RPS5: variants seen among roughly 807,000 people sequenced by gnomAD.
RPS5 encodes ribosomal protein S5.
In RPS5, 2 loss-of-function variants were observed where a neutral mutation model predicts 20.9. The ratio of observed to expected loss-of-function variants is 0.10; its 90% CI spans 0.04 to 0.30. RPS5 has a LOEUF of 0.30. RPS5 is among the 10% of genes least tolerant of loss of function. The probability of loss-of-function intolerance (pLI) is 1.00; values close to 1 mark genes in which losing one functional copy is unlikely to be tolerated. For synonymous variants in RPS5, 112 were observed against 105.8 expected, an observed-to-expected ratio of 1.06 and a Z score of -0.36; for missense variants, 122 against 287.2, an observed-to-expected ratio of 0.42 and a Z score of 4.16.
chr19:58,388,783 C>T (rs2052344812), intron 2 of RPS5, among the ~76,000 whole-genome samples: 1 of 151,814 alleles, frequency 6.6e-6, no homozygotes, highest in Non-Finnish European at 1.5e-5. Flanking sequence ...CGCCACTGCA[C>T]CTGGCTGATT....
At chr19:58,388,933 T>G (rs1568573285) in intron 2 of RPS5, among the ~76,000 whole-genome samples, 1 of 152,204 alleles carries the variant, frequency 6.6e-6, no homozygotes, top group Non-Finnish European at 1.5e-5. Flanking sequence ...CCGGCCCAGA[T>G]GTATGGGTTT....
At chr19:58,388,817 G>C (rs2052345244) in intron 2 of RPS5, among the ~76,000 whole-genome samples, 3 of 151,564 alleles carry the variant, frequency 2.0e-5, no homozygotes, top group Non-Finnish European at 4.4e-5. Context: ...TTTTAGTAGA[G>C]ACAGGGTTTC....
At chr19:58,394,386 C>G in intron 4 of RPS5, 111 bp from the exon 5 acceptor site, 1 of 818,938 alleles carries the variant, frequency 1.2e-6, no homozygotes, top group Non-Finnish European at 2.0e-6. Flanking sequence ...CACCTCTTGT[C>G]TCAGTGGGCC....
intron 2 of RPS5, among the ~76,000 whole-genome samples, chr19:58,391,019 G>A (rs1419055946): frequency 2.0e-5 from 3 of 152,222 alleles, no homozygotes; most frequent in Non-Finnish European, 2.9e-5. Flanking sequence ...ATCAACAGCA[G>A]TCTCCTTCGA....
intron 2 of RPS5, among the ~76,000 whole-genome samples, chr19:58,389,191 T>C (rs181936945): frequency 6.6e-6 from 1 of 152,302 alleles, no homozygotes; most frequent in Admixed American, 6.5e-5. Flanking sequence ...TGTTTGAAAT[T>C]ATATTTTGTG....
Position 58,394,611 on chromosome 19 carries a change from C to G in RPS5, c.546+16C>G. 1 of 1,613,768 alleles carries G rather than the reference C, an allele frequency of 6.2e-7. No homozygotes were observed. Among genetic ancestry groups the G allele is most frequent in the Non-Finnish European group, 8.5e-7 (1 of 1,179,734 alleles). ...TGCTGCCAAGGTGGGTGAGGGCACT[C>G]CGGTTGGGGGGTCTTAAGTTGGGCA... is the stretch of plus-strand genomic sequence containing the variant. On this transcript the variant is annotated intron_variant, in intron 5 of 5. Transcript: ENST00000196551.
intron 2 of RPS5, among the ~76,000 whole-genome samples, chr19:58,391,467 G>A (rs2052363336): frequency 6.6e-6 from 1 of 151,016 alleles, no homozygotes; most frequent in Admixed American, 6.6e-5. Flanking sequence ...GCTGAGCATG[G>A]TGACGCATGT....
At chr19:58,393,513 C>G in intron 4 of RPS5, 26 bp downstream of exon 4, 1 of 1,594,446 alleles carries the variant, frequency 6.3e-7, no homozygotes, top group Non-Finnish European at 8.5e-7. Context: ...ATGCACGTGG[C>G]AGGGTGGACA....
chr19:58,390,897 A>G (rs995887674), intron 2 of RPS5, among the ~76,000 whole-genome samples: 3 of 151,986 alleles, frequency 2.0e-5, no homozygotes, highest in Admixed American at 6.6e-5. Context: ...TGAGAGTTTC[A>G]GTGTCCTGTG....
rs569559929 is a variant in RPS5 at position 58,391,800 on chromosome 19, C to T, written c.109-1176C>T. Among the ~76,000 whole-genome samples the T allele has an allele frequency of 4.0e-5, 6 of 150,386 alleles. No individual in the cohort carries two copies. In the South Asian group the frequency reaches 1.3e-3, roughly 32 times the overall value. On this transcript the variant is annotated intron_variant, in intron 2 of 5. Transcript: ENST00000196551. ...AATTAGCCTGGCATGGTGGCATGCA[C>T]CTGTAGTCCCAGCTACTCAGGAAGC...
chr19:58,393,222 C>G, intron 3 of RPS5, 37 bp downstream of exon 3: 1 of 1,613,412 alleles, frequency 6.2e-7, no homozygotes, highest in South Asian at 1.1e-5. Context: ...AGGCTGTGCC[C>G]TCAGTACACC....
chr19:58,393,772 T>C (rs2052379339), intron 4 of RPS5: 2 of 378,618 alleles, frequency 5.3e-6, no homozygotes, highest in Non-Finnish European at 4.7e-6. Context: ...TGAGAATCAG[T>C]TGCAGACATT....
chr19:58,394,151 A>C, intron 4 of RPS5: 1 of 244,902 alleles, frequency 4.1e-6, no homozygotes, highest in South Asian at 6.1e-5. Flanking sequence ...GGGTTTCACC[A>C]AGTTGCTCAG....
At chr19:58,391,759 C>T (rs2052365301) in intron 2 of RPS5, among the ~76,000 whole-genome samples, 2 of 151,624 alleles carry the variant, frequency 1.3e-5, no homozygotes, top group Admixed American at 1.3e-4. Context: ...AACCCCAGCT[C>T]TACTAAAAAT....
chr19:58,392,193 G>A (rs898659347), intron 2 of RPS5, among the ~76,000 whole-genome samples: 13 of 151,052 alleles, frequency 8.6e-5, no homozygotes, highest in Admixed American at 4.6e-4. Flanking sequence ...GCTTGGTGGC[G>A]CGTGCCTGTA....
In RPS5 at chr19:58,394,794, A is replaced by AGACAG; in HGVS notation, c.*45_*46insACAGG. 1 of 1,599,174 alleles carries AGACAG rather than the reference A, an allele frequency of 6.3e-7. No homozygotes were observed. Among genetic ancestry groups the AGACAG allele is most frequent in the Non-Finnish European group, 8.6e-7 (1 of 1,166,740 alleles). ...AATAAACCTGTCTGCCCTTTGGGGC[A>AGACAG]GTCCCAGCCACCTGTGCTGTTGTCT... On this transcript the variant is annotated 3_prime_UTR_variant, in exon 6 of 6. Coordinates refer to ENST00000196551, the MANE Select transcript of RPS5 (RefSeq NM_001009.4).
intron 2 of RPS5, among the ~76,000 whole-genome samples, chr19:58,392,463 A>G (rs1306530224): frequency 1.3e-5 from 2 of 152,120 alleles, no homozygotes; most frequent in East Asian, 1.9e-4. Flanking sequence ...TCTCTACTAA[A>G]AATACAAAAA....
chr19:58,392,538 C>T (rs546037510), intron 2 of RPS5, among the ~76,000 whole-genome samples: 28 of 151,480 alleles, frequency 1.8e-4, no homozygotes, highest in Non-Finnish European at 7.4e-5. Context: ...GGCAGGAGAA[C>T]CATTTGAACC....
At chr19:58,390,426 C>CTTTT (rs61279930) in intron 2 of RPS5, among the ~76,000 whole-genome samples, 2 of 47,662 alleles carry the variant, frequency 4.2e-5, no homozygotes, top group Non-Finnish European at 8.1e-5. Flanking sequence ...GCCACTGTTA[C>CTTTT]TTTTTTTTTT....
Sources: gnomAD v4.1 joint callset for allele counts (sites outside exome capture counted in the v4.1 genomes callset) on GRCh38, gnomAD v4.1.1 for gene constraint, MANE v1.5 for transcripts, NCBI Gene and HGNC (gene_info 2026-07-23, HGNC 2026-07-21) for gene names.